The following PRIM2 variants were observed in gnomAD, a reference collection of about 807,000 sequenced individuals.
PRIM2 encodes the protein DNA primase large subunit.
Under a neutral mutation model 67.3 loss-of-function variants are expected in PRIM2, and 39 were observed. That is an observed-to-expected ratio of 0.58 (90% confidence interval 0.45 to 0.76). The LOEUF is 0.76. Among genes scored for constraint, PRIM2 ranks in the 30% least tolerant of loss-of-function variants. The pLI is 0.00. For synonymous variants in PRIM2, 143 were observed against 198.7 expected (o/e 0.72, Z 2.36); for missense variants, 398 against 598.7 (o/e 0.66, Z 3.50).
At chr6:57,271,342 C>G in the PRIM2 span, among the ~76,000 whole-genome samples, 1 of 152,184 alleles carries the variant, frequency 6.6e-6, no homozygotes, top group South Asian at 2.1e-4. Context: ...CAACTTCTTC[C>G]TGGTTTAGTC....
intron 10 of PRIM2, among the ~76,000 whole-genome samples, chr6:57,594,838 A>G (rs1214187638): frequency 1.3e-4 from 20 of 152,362 alleles, no homozygotes; most frequent in Admixed American, 8.5e-4. Flanking sequence ...AGAAGATAAC[A>G]TCAAGTTGAT....
intron 10 of PRIM2, among the ~76,000 whole-genome samples, chr6:57,572,379 T>C (rs1260910749): frequency 2.6e-5 from 4 of 152,200 alleles, no homozygotes; most frequent in Non-Finnish European, 5.9e-5. Context: ...GCATTTTTTT[T>C]CCCTTAGTGC....
intron 10 of PRIM2, among the ~76,000 whole-genome samples, chr6:57,593,977 C>T (rs1776324276): frequency 5.3e-5 from 8 of 152,030 alleles, no homozygotes; most frequent in Non-Finnish European, 1.2e-4. Flanking sequence ...ATGTTCTTTC[C>T]CTATTTTGTG....
intron 11 of PRIM2, 120 bp downstream of exon 11, chr6:57,601,339 A>T: frequency 1.9e-6 from 2 of 1,070,524 alleles, no homozygotes; most frequent in Non-Finnish European, 1.3e-6. Context: ...ATCTTATCTC[A>T]GTCGTCACTG....
chr6:57,493,330 A>T (rs1441943934), intron 7 of PRIM2, among the ~76,000 whole-genome samples: 2 of 152,210 alleles, frequency 1.3e-5, no homozygotes, highest in East Asian at 3.8e-4. Flanking sequence ...CTTTAACCAA[A>T]AATATTTAGT....
At chr6:57,474,449 C>T (rs1245385480) in intron 7 of PRIM2, among the ~76,000 whole-genome samples, 2 of 152,136 alleles carry the variant, frequency 1.3e-5, no homozygotes, top group Non-Finnish European at 2.9e-5. Flanking sequence ...GCTGGGATTA[C>T]AGGCGTGAGC....
chr6:57,273,054 T>C, the PRIM2 span, among the ~76,000 whole-genome samples: 16 of 152,352 alleles, frequency 1.1e-4, no homozygotes, highest in African/African-American at 3.8e-4. Context: ...CTGGCTGCCC[T>C]TAACATTGTT....
intron 5 of PRIM2, among the ~76,000 whole-genome samples, chr6:57,333,904 T>C (rs191751334): frequency 1.2e-4 from 18 of 152,364 alleles, no homozygotes. Flanking sequence ...ACAGTTATTT[T>C]TGTGGTGAAA....
At position 57,381,290 on chromosome 6, in the gene PRIM2, A is replaced by T. The variant is rs1358113795; in HGVS notation, c.556-741A>T. Among the ~76,000 whole-genome samples, 7 of 152,354 alleles carry T rather than the reference A, an allele frequency of 4.6e-5. No individual in the cohort carries two copies. In the South Asian group the frequency reaches 1.5e-3, roughly 32 times the overall value. ...ATGCATTTATATTTAATTCTTCCTTAAAACTTGAATGAATAGGCAATTTGG... is the reference window on the plus strand; with the variant it reads ...ATGCATTTATATTTAATTCTTCCTTTAAACTTGAATGAATAGGCAATTTGG... On this transcript the variant is annotated intron_variant, in intron 6 of 13. Coordinates refer to ENST00000615550, the MANE Select transcript of PRIM2 (RefSeq NM_000947.5).
the PRIM2 span, among the ~76,000 whole-genome samples, chr6:57,264,389 C>T: frequency 2.6e-5 from 4 of 151,872 alleles, no homozygotes; most frequent in Non-Finnish European, 5.9e-5. Context: ...TTATTTTGGC[C>T]TCCTGATTTA....
At chr6:57,353,894 A>G (rs1263310733) in intron 5 of PRIM2, among the ~76,000 whole-genome samples, 3 of 152,160 alleles carry the variant, frequency 2.0e-5, no homozygotes, top group Non-Finnish European at 2.9e-5. Flanking sequence ...TTTGTTAGCT[A>G]ATAGGGGTGC....
At chr6:57,248,839 C>T in the PRIM2 span, among the ~76,000 whole-genome samples, 10 of 152,212 alleles carry the variant, frequency 6.6e-5, no homozygotes, top group Non-Finnish European at 1.5e-4. Flanking sequence ...ATTCTCCTGC[C>T]TCAATAGCAG....
intron 7 of PRIM2, among the ~76,000 whole-genome samples, chr6:57,406,611 A>T (rs1581872315): frequency 6.6e-6 from 1 of 152,268 alleles, no homozygotes; most frequent in East Asian, 1.9e-4. Flanking sequence ...AAAACAAAAA[A>T]TGAAAATCGT....
At chr6:57,582,797 A>ATTG (rs1485549292) in intron 10 of PRIM2, among the ~76,000 whole-genome samples, 1 of 150,654 alleles carries the variant, frequency 6.6e-6, no homozygotes, top group Non-Finnish European at 1.5e-5. Context: ...TATTATTATT[A>ATTG]TTATTATACT....
intron 7 of PRIM2, among the ~76,000 whole-genome samples, chr6:57,425,024 C>T (rs1388555926): frequency 4.6e-5 from 7 of 152,030 alleles, no homozygotes; most frequent in African/African-American, 1.7e-4. Flanking sequence ...AACATGTATA[C>T]ACATATATTT....
At chr6:57,248,546 A>C in the PRIM2 span, among the ~76,000 whole-genome samples, 1 of 152,214 alleles carries the variant, frequency 6.6e-6, no homozygotes, top group Non-Finnish European at 1.5e-5. Context: ...TTAAGAGCAT[A>C]GGTAACAGAA....
chr6:57,501,180 T>G (rs1405071666), intron 7 of PRIM2, among the ~76,000 whole-genome samples: 4 of 152,214 alleles, frequency 2.6e-5, no homozygotes, highest in Non-Finnish European at 5.9e-5. Context: ...CAAATCTAAT[T>G]TAAGAGGGAA....
the PRIM2 span, among the ~76,000 whole-genome samples, chr6:57,288,709 G>A: frequency 2.0e-5 from 3 of 152,150 alleles, no homozygotes; most frequent in African/African-American, 7.2e-5. Context: ...CAGCTGAGGG[G>A]CCTGACTGTT....
At chr6:57,476,887 A>G (rs1773490421) in intron 7 of PRIM2, among the ~76,000 whole-genome samples, 3 of 152,160 alleles carry the variant, frequency 2.0e-5, no homozygotes, top group East Asian at 1.9e-4. Context: ...AGGTGGGATT[A>G]CAGGCATGAG....
Sources: gnomAD v4.1 joint callset for allele counts (sites outside exome capture counted in the v4.1 genomes callset) on GRCh38, gnomAD v4.1.1 for gene constraint, MANE v1.5 for transcripts, NCBI Gene and HGNC (gene_info 2026-07-23, HGNC 2026-07-21) for gene names.